NMNAT3: variants seen among roughly 807,000 people sequenced by gnomAD.
The protein encoded by NMNAT3 is nicotinamide/nicotinic acid mononucleotide adenylyltransferase 3.
NMNAT3 carries 21 observed loss-of-function variants against 24.8 expected under a neutral mutation model. The observed-to-expected ratio is 0.85, with a 90% confidence interval of 0.60 to 1.22. NMNAT3 has a LOEUF of 1.22. Ranked by LOEUF, NMNAT3 falls within the 50% of genes most tolerant of loss-of-function variation. The pLI, the probability that NMNAT3 is intolerant of heterozygous loss-of-function variation, is 0.00. For missense variants in NMNAT3, 387 were observed against 436.6 expected, an observed-to-expected ratio of 0.89 and a Z score of 1.01; for synonymous variants, 136 against 155.2, an observed-to-expected ratio of 0.88 and a Z score of 0.92.
chr3:139,567,596 T>G (rs1937450894), intron 6 of NMNAT3: 1 of 152,230 alleles, frequency 6.6e-6, no homozygotes, highest in South Asian at 2.1e-4. Context: ...TCAAAGGCCT[T>G]TTCTGCATCT....
chr3:139,645,884 A>C (rs1224388235), intron 1 of NMNAT3, among the ~76,000 whole-genome samples: 1 of 152,252 alleles, frequency 6.6e-6, no homozygotes, highest in Non-Finnish European at 1.5e-5. Flanking sequence ...TTATTCAAGT[A>C]AAAATGTATC....
At chr3:139,580,156 C>T (rs939611502) in intron 4 of NMNAT3, among the ~76,000 whole-genome samples, 1 of 152,126 alleles carries the variant, frequency 6.6e-6, no homozygotes, top group Non-Finnish European at 1.5e-5. Flanking sequence ...TGTAAGAGAT[C>T]TTGTGTGTTA....
intron 6 of NMNAT3, chr3:139,567,620 T>G (rs971055683): frequency 6.6e-5 from 10 of 152,234 alleles, no homozygotes; most frequent in African/African-American, 2.4e-4. Flanking sequence ...GAGATTTGGT[T>G]CTGTTTATAT....
chr3:139,609,785 T>C (rs2055119335), intron 3 of NMNAT3: 1 of 152,260 alleles, frequency 6.6e-6, no homozygotes, highest in South Asian at 2.1e-4. Flanking sequence ...CAGGACCTGT[T>C]CACCACTCCT....
intron 3 of NMNAT3, among the ~76,000 whole-genome samples, chr3:139,593,777 C>G (rs1466258225): frequency 1.4e-5 from 2 of 147,828 alleles, no homozygotes; most frequent in Non-Finnish European, 1.5e-5. Flanking sequence ...AACAAAGACA[C>G]AACATACCAG....
At chr3:139,578,552 T>C (rs1479327245) in intron 5 of NMNAT3, among the ~76,000 whole-genome samples, 2 of 152,220 alleles carry the variant, frequency 1.3e-5, no homozygotes, top group Non-Finnish European at 2.9e-5. Context: ...TCTCAGAGGC[T>C]TCAGATCACT....
chr3:139,618,446 T>C (rs984208013), intron 3 of NMNAT3, among the ~76,000 whole-genome samples: 2 of 152,084 alleles, frequency 1.3e-5, no homozygotes, highest in African/African-American at 2.4e-5. Flanking sequence ...GGAAGGACAA[T>C]TGTAGTTTGA....
chr3:139,587,286 T>C (rs2053976785), intron 3 of NMNAT3, among the ~76,000 whole-genome samples: 1 of 152,102 alleles, frequency 6.6e-6, no homozygotes. Context: ...TACTAGCGGG[T>C]AGATACAGGG....
intron 1 of NMNAT3, among the ~76,000 whole-genome samples, chr3:139,666,807 T>C (rs1180305011): frequency 6.6e-6 from 1 of 152,196 alleles, no homozygotes; most frequent in East Asian, 1.9e-4. Context: ...ATCAACTCTT[T>C]TAGCTCCCAC....
intron 6 of NMNAT3, among the ~76,000 whole-genome samples, chr3:139,562,993 A>G (rs1294658572): frequency 6.6e-6 from 1 of 152,180 alleles, no homozygotes; most frequent in Non-Finnish European, 1.5e-5. Flanking sequence ...GACGTTCAAT[A>G]CCTCATGTGA....
intron 3 of NMNAT3, among the ~76,000 whole-genome samples, chr3:139,593,248 T>A (rs1266501704): frequency 6.6e-6 from 1 of 152,002 alleles, no homozygotes; most frequent in African/African-American, 2.4e-5. Flanking sequence ...GGTAAAGGGA[T>A]CAACAAGAAG....
intron 1 of NMNAT3, among the ~76,000 whole-genome samples, chr3:139,644,986 G>A (rs1388252758): frequency 1.3e-5 from 2 of 152,152 alleles, no homozygotes; most frequent in South Asian, 2.1e-4. Flanking sequence ...GATGGATCAT[G>A]AGGTCAGGAG....
At chr3:139,598,474 C>A (rs1481491822) in intron 3 of NMNAT3, among the ~76,000 whole-genome samples, 2 of 152,122 alleles carry the variant, frequency 1.3e-5, no homozygotes, top group Non-Finnish European at 2.9e-5. Flanking sequence ...TCAGAAAGAC[C>A]CCACAGTGTG....
At chr3:139,598,021 T>A (rs1214965540) in intron 3 of NMNAT3, among the ~76,000 whole-genome samples, 2 of 152,246 alleles carry the variant, frequency 1.3e-5, no homozygotes, top group Non-Finnish European at 2.9e-5. Context: ...ATATAATGTC[T>A]TATCTGAAAA....
At chr3:139,646,150 G>A (rs772267670) in intron 1 of NMNAT3, among the ~76,000 whole-genome samples, 16 of 152,142 alleles carry the variant, frequency 1.1e-4, no homozygotes, top group Non-Finnish European at 2.2e-4. Context: ...TACTACTTGA[G>A]TTTTAAAAAA....
At chr3:139,561,870 A>G (rs1490747395) in intron 6 of NMNAT3, among the ~76,000 whole-genome samples, 1 of 152,200 alleles carries the variant, frequency 6.6e-6, no homozygotes, top group South Asian at 2.1e-4. Flanking sequence ...TTATATAACA[A>G]TCTCACTATA....
intron 3 of NMNAT3, chr3:139,599,411 C>G: frequency 1.4e-6 from 1 of 702,402 alleles, no homozygotes; most frequent in Non-Finnish European, 2.6e-6. Flanking sequence ...TTTCTTCTTC[C>G]CTTGGTTGTG....
At chr3:139,677,611 A>T in intron 1 of NMNAT3, 94 bp downstream of exon 1, 1 of 152,300 alleles carries the variant, frequency 6.6e-6, no homozygotes, top group East Asian at 1.9e-4. Context: ...GGGGACTCCC[A>T]GGACTCAGTT....
At chr3:139,569,917 GGA>G (rs1410630134) in intron 6 of NMNAT3, 3 of 152,122 alleles carry the variant, frequency 2.0e-5, no homozygotes, top group African/African-American at 7.2e-5. Flanking sequence ...AAGTTCTCCT[GGA>G]TAATATCCTG....
Sources: gnomAD v4.1 joint callset for allele counts (sites outside exome capture counted in the v4.1 genomes callset) on GRCh38, gnomAD v4.1.1 for gene constraint, MANE v1.5 for transcripts, NCBI Gene and HGNC (gene_info 2026-07-23, HGNC 2026-07-21) for gene names.